ATM: variants seen among roughly 807,000 people sequenced by gnomAD.
The protein encoded by ATM is serine-protein kinase ATM.
Under a neutral mutation model 387.0 loss-of-function variants are expected in ATM, and 308 were observed. The observed-to-expected ratio is 0.80, with a 90% CI of 0.73 to 0.87. The LOEUF is 0.87. ATM is among the 40% of genes least tolerant of loss of function. ATM has a pLI of 0.00. For missense variants in ATM, 3,312 were observed against 3,560.9 expected, an observed-to-expected ratio of 0.93 and a Z score of 1.78; for synonymous variants, 1,156 against 1,187.3, an observed-to-expected ratio of 0.97 and a Z score of 0.54.
At chr11:108,346,004 G>A in intron 58 of ATM, 96 bp downstream of exon 58, 1 of 1,426,108 alleles carries the variant, frequency 7.0e-7, no homozygotes. Flanking sequence ...CTGAGTTGCA[G>A]GGGGATGATA....
In ATM at chr11:108,264,847, CAG is replaced by C. The variant is rs1403581294; in HGVS notation, c.2467-2319_2467-2318del. Among the ~76,000 whole-genome samples the C allele has an allele frequency of 6.8e-5, 5 of 73,138 alleles. No homozygotes were observed. In the East Asian group the frequency reaches 1.6e-3, roughly 24 times the overall value. The allele number at this position is 73,138 out of a possible 152,430, so 48.0% of individuals were successfully genotyped here. A position where few individuals can be genotyped will look rare whatever the true frequency, so the allele number is the denominator to read the frequency against. On this transcript the variant is annotated intron_variant, in intron 16 of 62. Transcript: ENST00000675843. Reference sequence around the variant, plus strand: ...TTCTTATACACCAACAACAGACAAACAGAGAGCCAAATCATGAGTGAACTCCC... The same window carrying C: ...TTCTTATACACCAACAACAGACAAACAGAGCCAAATCATGAGTGAACTCCC...
rs1060501700 is a variant in ATM, at chr11:108,347,277, A to C, written c.8585-2A>C. The C allele has an allele frequency of 6.3e-7, 1 of 1,599,888 alleles. No homozygotes were observed. The highest frequency in any genetic ancestry group is 8.6e-7 in the Non-Finnish European group (1 of 1,167,320). On this transcript the variant is annotated splice_acceptor_variant, in intron 58 of 62. Coordinates refer to ENST00000675843, the MANE Select transcript of ATM (RefSeq NM_000051.4). LOFTEE classifies it high-confidence loss of function. ...CAGATTGTTTGTTTCTTTTTTCTCCAGTTGGTTACATACTTGGACTTGGTG... is the reference window on the plus strand; with the variant it reads ...CAGATTGTTTGTTTCTTTTTTCTCCCGTTGGTTACATACTTGGACTTGGTG...
chr11:108,239,131 C>T (rs1366645022), intron 5 of ATM, among the ~76,000 whole-genome samples: 3 of 152,088 alleles, frequency 2.0e-5, no homozygotes, highest in African/African-American at 7.2e-5. Flanking sequence ...GTAATTAGGT[C>T]CTGTGGGTCC....
intron 59 of ATM, among the ~76,000 whole-genome samples, chr11:108,350,265 G>A (rs1209191136): frequency 1.3e-5 from 2 of 152,128 alleles, no homozygotes; most frequent in Non-Finnish European, 2.9e-5. Flanking sequence ...GTGGTGGAGG[G>A]ACAAGGGGAC....
At chr11:108,261,557 ACT>A (rs2080890030) in intron 16 of ATM, among the ~76,000 whole-genome samples, 1 of 152,096 alleles carries the variant, frequency 6.6e-6, no homozygotes, top group Non-Finnish European at 1.5e-5. Flanking sequence ...AAAACTGGAA[ACT>A]CTAAAAAGCA....
At chr11:108,253,282 A>G (rs1200473699) in intron 12 of ATM, among the ~76,000 whole-genome samples, 2 of 152,198 alleles carry the variant, frequency 1.3e-5, no homozygotes, top group Non-Finnish European at 2.9e-5. Context: ...AAAACTAATG[A>G]TAATTGAAAA....
chr11:108,279,573 G>A lies in ATM; in HGVS notation c.3367G>A (p.Ala1123Thr), dbSNP rs1060501581. 5 of 1,613,412 alleles carry A rather than the reference G, an allele frequency of 3.1e-6. No individual in the cohort carries two copies. The highest frequency in any genetic ancestry group is 4.2e-6 in the Non-Finnish European group (5 of 1,179,474). Residue 1123 changes from alanine to threonine, a missense_variant, in exon 23 of 63, where the codon GCA becomes ACA. Ala to Thr is a moderately conservative substitution (Grantham distance 58). Transcript: ENST00000675843. ...GCTTCAGCAAACAGCTTTTGAAAAT[G>A]CATACTTGAAAGCTCAGGAAGGAAT... ...LKLQQTAFENAYLKAQEGMRE... is the reference protein window; with the variant it reads ...LKLQQTAFENTYLKAQEGMRE...
chr11:108,245,129 A>G, intron 7 of ATM, 103 bp downstream of exon 7: 1 of 942,618 alleles, frequency 1.1e-6, no homozygotes, highest in Non-Finnish European at 1.6e-6. Context: ...TTTCCTCTGG[A>G]TTTCTCTGGT....
chr11:108,254,497 T>C (rs2080353065), intron 13 of ATM, among the ~76,000 whole-genome samples: 1 of 152,208 alleles, frequency 6.6e-6, no homozygotes, highest in African/African-American at 2.4e-5. Context: ...TCCTTTAGCC[T>C]CAAAATCACG....
chr11:108,352,732 A>G (rs1220640660), intron 59 of ATM, among the ~76,000 whole-genome samples: 1 of 152,254 alleles, frequency 6.6e-6, no homozygotes, highest in African/African-American at 2.4e-5. Flanking sequence ...CAGCAATGAA[A>G]AGAAACAGAA....
At chr11:108,318,240 T>C (rs2084917114) in intron 43 of ATM, among the ~76,000 whole-genome samples, 2 of 151,972 alleles carry the variant, frequency 1.3e-5, no homozygotes, top group South Asian at 2.1e-4. Flanking sequence ...CATGCGCCTG[T>C]AGTCCCAGCT....
chr11:108,235,286 A>T (rs1658959625), intron 4 of ATM, among the ~76,000 whole-genome samples: 1 of 147,576 alleles, frequency 6.8e-6, no homozygotes, highest in Admixed American at 6.8e-5. Flanking sequence ...ACAGACCAAG[A>T]TTCCATCTCA....
In ATM at chr11:108,271,058, T is replaced by C. The variant is rs1338486619; in HGVS notation, c.2839-6T>C. 5 of 1,612,108 alleles carry C rather than the reference T, an allele frequency of 3.1e-6. No individual in the cohort carries two copies. Among genetic ancestry groups the C allele is most frequent in the Non-Finnish European group, 4.2e-6 (5 of 1,178,252 alleles). ...AACCTGATTTTTTTCCCTCCTACCATCTTAGTATCTAATGCTTTTAAAGGA... is the reference window on the plus strand; with the variant it reads ...AACCTGATTTTTTTCCCTCCTACCACCTTAGTATCTAATGCTTTTAAAGGA... On this transcript the variant is annotated splice_region_variant and splice_polypyrimidine_tract_variant and intron_variant, in intron 18 of 62. Transcript: ENST00000675843.
intron 61 of ATM, among the ~76,000 whole-genome samples, chr11:108,358,852 TAA>T (rs2090361884): frequency 6.6e-6 from 1 of 151,054 alleles, no homozygotes; most frequent in Non-Finnish European, 1.5e-5. Context: ...TGCCAAAATG[TAA>T]AGACCATCGA....
Position 108,245,032 on chromosome 11 carries a change from A to C in ATM, c.901+6A>C, listed in dbSNP as rs1555067357. On this transcript the variant is annotated splice_donor_region_variant and intron_variant, in intron 7 of 62. Coordinates refer to ENST00000675843, the MANE Select transcript of ATM (RefSeq NM_000051.4). ...AGCCAAAACCCAAGAAAAAGGTATA[A>C]AGGAAATGTTTACTGTTTTGAATTT... The C allele has an allele frequency of 1.3e-6, 2 of 1,592,698 alleles. No homozygotes were observed. Among genetic ancestry groups the C allele is most frequent in the South Asian group, 1.1e-5 (1 of 90,712 alleles).
At chr11:108,266,947 C>G (rs1455432342) in intron 16 of ATM, among the ~76,000 whole-genome samples, 1 of 152,034 alleles carries the variant, frequency 6.6e-6, no homozygotes, top group East Asian at 1.9e-4. Context: ...AGGTGCCCAC[C>G]ACCACACCCA....
chr11:108,234,260 A>G (rs2079159639), intron 4 of ATM, among the ~76,000 whole-genome samples: 1 of 152,230 alleles, frequency 6.6e-6, no homozygotes. Context: ...TTTGTTTACC[A>G]TAGCCTGTGA....
chr11:108,260,584 C>A (rs950503383), intron 16 of ATM, among the ~76,000 whole-genome samples: 6 of 152,162 alleles, frequency 3.9e-5, no homozygotes, highest in Non-Finnish European at 8.8e-5. Context: ...CTTTGGGTAA[C>A]ACTTTAGGTG....
chr11:108,284,154 T>C, intron 25 of ATM, 73 bp from the exon 26 acceptor site: 1 of 1,231,662 alleles, frequency 8.1e-7, no homozygotes, highest in South Asian at 1.4e-5. Context: ...AAAACAGTTT[T>C]TAAGAACTAT....
Sources: gnomAD v4.1 joint callset for allele counts (sites outside exome capture counted in the v4.1 genomes callset) on GRCh38, gnomAD v4.1.1 for gene constraint, MANE v1.5 for transcripts, NCBI Gene and HGNC (gene_info 2026-07-23, HGNC 2026-07-21) for gene names.